TMEM117: variants seen among roughly 807,000 people sequenced by gnomAD.
TMEM117 encodes transmembrane protein 117.
In TMEM117, 27 loss-of-function variants were observed where a neutral mutation model predicts 52.4. The observed-to-expected ratio is 0.51, with a 90% confidence interval of 0.38 to 0.71. The LOEUF is 0.71. Ranked by LOEUF, TMEM117 falls within the 30% of genes least tolerant of loss-of-function variation. TMEM117 has a pLI of 0.00. For synonymous variants in TMEM117, 215 were observed against 206.3 expected, an observed-to-expected ratio of 1.04 and a Z score of -0.36; for missense variants, 556 against 630.5, an observed-to-expected ratio of 0.88 and a Z score of 1.26.
chr12:43,996,936 T>C (rs1946041481), intron 3 of TMEM117, among the ~76,000 whole-genome samples: 1 of 152,180 alleles, frequency 6.6e-6, no homozygotes, highest in African/African-American at 2.4e-5. Flanking sequence ...GGAAATTAAG[T>C]TGACAATATA....
intron 3 of TMEM117, among the ~76,000 whole-genome samples, chr12:44,116,170 A>G (rs942434979): frequency 4.6e-5 from 7 of 152,184 alleles, no homozygotes; most frequent in Admixed American, 1.3e-4. Context: ...CATGCTGTCA[A>G]TCATTTCATT....
chr12:43,832,639 C>T (rs113958728), upstream of TMEM117, among the ~76,000 whole-genome samples: 1 of 152,312 alleles, frequency 6.6e-6, no homozygotes, highest in African/African-American at 2.4e-5. Flanking sequence ...TATATCAGGT[C>T]TCCTAACCAT....
chr12:44,023,812 G>A (rs1307165850), intron 3 of TMEM117, among the ~76,000 whole-genome samples: 2 of 125,878 alleles, frequency 1.6e-5, no homozygotes, highest in East Asian at 5.4e-4. Context: ...GGGGACTGTT[G>A]TGGGGTGGGG....
chr12:44,153,893 T>C (rs182286967), intron 4 of TMEM117, among the ~76,000 whole-genome samples: 131 of 152,142 alleles, frequency 8.6e-4, no homozygotes, highest in African/African-American at 2.9e-3. Flanking sequence ...CTTCATTATG[T>C]TTCAAGAGAT....
intron 3 of TMEM117, among the ~76,000 whole-genome samples, chr12:44,138,016 C>A (rs1479841825): frequency 6.6e-6 from 1 of 152,086 alleles, no homozygotes; most frequent in Non-Finnish European, 1.5e-5. Context: ...CCCCAATAAA[C>A]CCCTGGGAAG....
chr12:43,988,617 T>A (rs1945886844), intron 3 of TMEM117, among the ~76,000 whole-genome samples: 1 of 152,020 alleles, frequency 6.6e-6, no homozygotes, highest in Non-Finnish European at 1.5e-5. Flanking sequence ...AATTGCATGG[T>A]GATAGGTTGG....
chr12:44,192,177 G>A (rs1007243964), intron 4 of TMEM117, among the ~76,000 whole-genome samples: 6 of 152,094 alleles, frequency 3.9e-5, no homozygotes, highest in Non-Finnish European at 8.8e-5. Flanking sequence ...GTGCAGGGTG[G>A]TCAAATGTCA....
chr12:44,279,761 A>T (rs894319128), intron 5 of TMEM117, among the ~76,000 whole-genome samples: 1 of 152,020 alleles, frequency 6.6e-6, no homozygotes, highest in African/African-American at 2.4e-5. Context: ...TGATCCGCCC[A>T]CCCTGGCCTC....
At chr12:44,321,121 G>T (rs1377681615) in intron 6 of TMEM117, among the ~76,000 whole-genome samples, 1 of 152,184 alleles carries the variant, frequency 6.6e-6, no homozygotes, top group African/African-American at 2.4e-5. Flanking sequence ...GAAACTGAAA[G>T]ATTTGTTTTA....
the TMEM117 span, among the ~76,000 whole-genome samples, chr12:43,806,946 T>G: frequency 6.6e-6 from 1 of 152,258 alleles, no homozygotes; most frequent in African/African-American, 2.4e-5. Context: ...TGGTCGATTA[T>G]ACCATTGCAA....
chr12:44,186,389 A>G (rs1328494671), intron 4 of TMEM117, among the ~76,000 whole-genome samples: 1 of 152,182 alleles, frequency 6.6e-6, no homozygotes, highest in African/African-American at 2.4e-5. Flanking sequence ...CCTTCATTCT[A>G]CAACTTGTTT....
At chr12:44,283,586 C>T in intron 5 of TMEM117, among the ~76,000 whole-genome samples, 1 of 152,202 alleles carries the variant, frequency 6.6e-6, no homozygotes, top group Non-Finnish European at 1.5e-5. Context: ...TACCCAATAC[C>T]TGTACCCCCA....
intron 4 of TMEM117, among the ~76,000 whole-genome samples, chr12:44,197,538 G>T (rs1242842855): frequency 1.3e-5 from 2 of 151,956 alleles, no homozygotes; most frequent in African/African-American, 4.8e-5. Flanking sequence ...TTTTCTGCTG[G>T]CTTCTTGCTC....
intron 5 of TMEM117, among the ~76,000 whole-genome samples, chr12:44,254,336 T>TA: frequency 6.6e-6 from 1 of 152,106 alleles, no homozygotes; most frequent in South Asian, 2.1e-4. Context: ...AGAAGAACAC[T>TA]ATGAAGTAGA....
chr12:44,228,796 A>G (rs1256748739), intron 5 of TMEM117, among the ~76,000 whole-genome samples: 1 of 152,160 alleles, frequency 6.6e-6, no homozygotes, highest in Non-Finnish European at 1.5e-5. Context: ...AAAAAGGTGG[A>G]GGGTCATTTG....
In TMEM117 at chr12:44,136,545, G is replaced by A. The variant is rs1444205060; in HGVS notation, c.411-6980G>A. Among the ~76,000 whole-genome samples, 3 of 151,952 alleles carry A rather than the reference G, an allele frequency of 2.0e-5. 1 individual carries two copies. Among genetic ancestry groups the A allele is most frequent in the East Asian group, 1.9e-4 (1 of 5,198 alleles). On this transcript the variant is annotated intron_variant, in intron 3 of 7. Coordinates refer to ENST00000266534, the MANE Select transcript of TMEM117 (RefSeq NM_032256.3). Reference sequence around the variant, plus strand: ...GTAGTTTTACAGTATCCATTTGAAGGGCAGTGGAATATATTTTGTTTCCTT... The same window carrying A: ...GTAGTTTTACAGTATCCATTTGAAGAGCAGTGGAATATATTTTGTTTCCTT...
Position 44,240,247 on chromosome 12 carries a change from A to G in TMEM117, c.608+28860A>G, listed in dbSNP as rs144589502. The stretch of plus-strand genomic sequence containing the variant: ...CATTCTAATTTATGGGTCACAGTAG[A>G]TGCTTGAAATCCAGTTTGAATCTTC... On this transcript the variant is annotated intron_variant, in intron 5 of 7. Transcript: ENST00000266534. Among the ~76,000 whole-genome samples, 13 of 152,256 alleles carry G rather than the reference A, an allele frequency of 8.5e-5. No individual in the cohort carries two copies. The East Asian group carries it at 2.3e-3, about 27-fold the overall frequency.
chr12:44,363,027 T>A (rs989352555), intron 6 of TMEM117, among the ~76,000 whole-genome samples: 5 of 151,954 alleles, frequency 3.3e-5, no homozygotes, highest in Admixed American at 6.6e-5. Flanking sequence ...TGTGGTTTAA[T>A]GAGAGACACA....
At chr12:43,852,157 C>T (rs1943319813) in intron 2 of TMEM117, among the ~76,000 whole-genome samples, 2 of 150,694 alleles carry the variant, frequency 1.3e-5, no homozygotes, top group African/African-American at 4.8e-5. Flanking sequence ...ACTGGCTGGG[C>T]ACGGTGGCTC....
Sources: allele counts gnomAD v4.1 joint callset (sites outside exome capture counted in the v4.1 genomes callset), GRCh38; gene constraint gnomAD v4.1.1; transcripts MANE v1.5; gene names NCBI Gene and HGNC (gene_info 2026-07-23, HGNC 2026-07-21).